The following NUP210L variants were observed in gnomAD, a reference collection of about 807,000 sequenced individuals.
NUP210L encodes the protein nuclear pore membrane glycoprotein 210-like.
A neutral mutation model predicts 208.5 loss-of-function variants in NUP210L; 74 were observed. The observed-to-expected ratio is 0.35, with a 90% CI of 0.29 to 0.43. The LOEUF (loss-of-function observed/expected upper bound fraction) is 0.43, where lower values mean the gene tolerates loss of function less well. Among genes scored for constraint, NUP210L ranks in the 20% least tolerant of loss-of-function variants. The pLI is 1.00. For missense variants in NUP210L, 1,843 were observed against 2,289.4 expected (o/e 0.81, Z 3.98); for synonymous variants, 780 against 816.9 (o/e 0.95, Z 0.77).
chr1:154,021,191 C>G (rs1483379798), intron 32 of NUP210L, among the ~76,000 whole-genome samples: 2 of 152,226 alleles, frequency 1.3e-5, no homozygotes, highest in Non-Finnish European at 2.9e-5. Flanking sequence ...CCCGCCACCT[C>G]AGCCTCCCAA....
chr1:154,123,613 C>T (rs1490693064), intron 10 of NUP210L, among the ~76,000 whole-genome samples: 1 of 152,082 alleles, frequency 6.6e-6, no homozygotes, highest in Non-Finnish European at 1.5e-5. Flanking sequence ...TTCCATGGCT[C>T]ACTCCTACAA....
chr1:154,127,092 C>T (rs556352923), intron 9 of NUP210L, among the ~76,000 whole-genome samples: 2 of 136,422 alleles, frequency 1.5e-5, no homozygotes, highest in South Asian at 2.3e-4. Flanking sequence ...GGTGACAGAG[C>T]GAGACTGTGT....
intron 37 of NUP210L, among the ~76,000 whole-genome samples, chr1:153,996,640 C>CA (rs888028789): frequency 1.3e-5 from 2 of 152,050 alleles, no homozygotes; most frequent in Non-Finnish European, 2.9e-5. Flanking sequence ...AGGCTGGCCT[C>CA]AAACTCCTGA....
intron 34 of NUP210L, among the ~76,000 whole-genome samples, chr1:154,010,408 C>G (rs955751514): frequency 6.6e-6 from 1 of 152,052 alleles, no homozygotes; most frequent in South Asian, 2.1e-4. Context: ...AAGTCTTGCT[C>G]TGTCGCCCAG....
chr1:154,070,354 C>G (rs753992141), exon 17 of NUP210L: 4 of 1,613,574 alleles, frequency 2.5e-6, no homozygotes, highest in Non-Finnish European at 3.4e-6. Flanking sequence ...GCTAGTGTTT[C>G]ATTGGAGGAT....
In NUP210L at chr1:154,015,745, A is replaced by AC. The variant is rs1342657705; in HGVS notation, c.4653+3187dup. The stretch of plus-strand genomic sequence containing the variant: ...AAAACACACACACACACACACACAC[A>AC]CACACCCCACAGAATTAGCCGAGTG... On this transcript the variant is annotated intron_variant, in intron 33 of 39. Coordinates refer to ENST00000368559, the Ensembl canonical transcript of NUP210L. 2.2e-3 allele frequency among the ~76,000 whole-genome samples: 334 copies of AC among 150,686 alleles called. 2 individuals carry two copies. Among genetic ancestry groups the AC allele is most frequent in the African/African-American group, 7.7e-3 (316 of 40,992 alleles).
At position 154,089,605 on chromosome 1, in the gene NUP210L, G is replaced by T. The variant is rs780554835; in HGVS notation, c.2188-11C>A. On this transcript the variant is annotated splice_polypyrimidine_tract_variant and intron_variant, in intron 15 of 39. Coordinates refer to ENST00000368559, the Ensembl canonical transcript of NUP210L. Reference sequence around the variant, plus strand: ...TCGGAATGTGAGAACCTTTAAGGAAGTCACAGAGCAAGAGATAATTGTGGG... The same window carrying T: ...TCGGAATGTGAGAACCTTTAAGGAATTCACAGAGCAAGAGATAATTGTGGG... 13 of 1,611,116 alleles carry T rather than the reference G, an allele frequency of 8.1e-6. No individual in the cohort carries two copies. In the East Asian group the frequency reaches 2.9e-4, roughly 36 times the overall value.
intron 15 of NUP210L, among the ~76,000 whole-genome samples, chr1:154,093,279 T>A (rs1265317430): frequency 6.6e-6 from 1 of 151,976 alleles, no homozygotes; most frequent in Non-Finnish European, 1.5e-5. Flanking sequence ...AAATACAAAA[T>A]TAGCCGGGTG....
At chr1:154,025,457 A>C in intron 30 of NUP210L, 85 bp downstream of exon 30, 1 of 905,798 alleles carries the variant, frequency 1.1e-6, no homozygotes, top group Admixed American at 3.3e-5. Context: ...GAAAATTTCT[A>C]GTTTTTTAAA....
At chr1:154,092,165 T>C (rs1404675415) in intron 15 of NUP210L, among the ~76,000 whole-genome samples, 1 of 149,208 alleles carries the variant, frequency 6.7e-6, no homozygotes, top group Non-Finnish European at 1.5e-5. Flanking sequence ...AAGCTCCGCC[T>C]TCCGGATTCA....
intron 10 of NUP210L, among the ~76,000 whole-genome samples, chr1:154,124,142 G>A (rs1179809883): frequency 4.0e-5 from 6 of 149,392 alleles, no homozygotes; most frequent in Non-Finnish European, 7.4e-5. Flanking sequence ...AGCTGAGATC[G>A]CGCCACTGCG....
intron 35 of NUP210L, among the ~76,000 whole-genome samples, chr1:154,002,294 C>T (rs1650265945): frequency 6.6e-6 from 1 of 152,004 alleles, no homozygotes. Flanking sequence ...TGGCATTCTG[C>T]AGCCCGACCT....
chr1:154,068,772 C>A (rs113676577), intron 17 of NUP210L, among the ~76,000 whole-genome samples: 1 of 147,788 alleles, frequency 6.8e-6, no homozygotes, highest in African/African-American at 2.5e-5. Flanking sequence ...GGGAATTGAA[C>A]AATGAGAACA....
At chr1:154,009,721 G>GT (rs1296080948) in intron 35 of NUP210L, among the ~76,000 whole-genome samples, 1 of 143,404 alleles carries the variant, frequency 7.0e-6, no homozygotes, top group Non-Finnish European at 1.5e-5. Context: ...GAGTCTAGGA[G>GT]TTTAAGGTTA....
chr1:153,995,512 A>T, intron 37 of NUP210L: 1 of 605,862 alleles, frequency 1.7e-6, no homozygotes, highest in Non-Finnish European at 3.0e-6. Flanking sequence ...CAACTCTCTA[A>T]TTCTTGAGCT....
At chr1:153,995,278 C>T (rs1649773132) in intron 37 of NUP210L, 98 bp from the exon 38 acceptor site, 4 of 823,642 alleles carry the variant, frequency 4.9e-6, no homozygotes, top group South Asian at 4.7e-5. Context: ...CAGAGTTTTA[C>T]TCTCACTCTG....
At chr1:154,023,367 C>T (rs778642289) in intron 30 of NUP210L, 70 bp from the exon 31 acceptor site, 30 of 1,202,756 alleles carry the variant, frequency 2.5e-5, no homozygotes, top group Non-Finnish European at 3.2e-5. Flanking sequence ...TATTCTGAGA[C>T]TTATAATCAA....
chr1:154,052,456 A>C (rs1174911570), intron 25 of NUP210L, among the ~76,000 whole-genome samples: 9 of 152,180 alleles, frequency 5.9e-5, no homozygotes, highest in African/African-American at 2.2e-4. Flanking sequence ...GAAGCTGTCA[A>C]AGATGGAGGA....
At chr1:154,034,517 TG>T (rs1396649844) in intron 27 of NUP210L, among the ~76,000 whole-genome samples, 4 of 151,868 alleles carry the variant, frequency 2.6e-5, no homozygotes, top group African/African-American at 9.7e-5. Context: ...TTCGTAGAGA[TG>T]GGGTTTCTTC....
Sources: allele counts gnomAD v4.1 joint callset (sites outside exome capture counted in the v4.1 genomes callset), GRCh38; gene constraint gnomAD v4.1.1; transcripts MANE v1.5; gene names NCBI Gene and HGNC (gene_info 2026-07-23, HGNC 2026-07-21).